Variants in COL4A4 observed in about 807,000 individuals in gnomAD.
COL4A4 encodes the protein collagen type IV alpha 4 chain.
A neutral mutation model predicts 192.9 loss-of-function variants in COL4A4; 105 were observed. The ratio of observed to expected loss-of-function variants is 0.54; its 90% confidence interval spans 0.46 to 0.64. The LOEUF is 0.64. Ranked by LOEUF, COL4A4 falls within the 30% of genes least tolerant of loss-of-function variation. The pLI is 0.00. For missense variants in COL4A4, 1,967 were observed against 2,169.3 expected, an observed-to-expected ratio of 0.91 and a Z score of 1.85; for synonymous variants, 762 against 769.9, an observed-to-expected ratio of 0.99 and a Z score of 0.17.
At chr2:227,144,685 G>C (rs917950219) in intron 2 of COL4A4, 127 bp from the exon 3 acceptor site, 1 of 722,404 alleles carries the variant, frequency 1.4e-6, no homozygotes, top group Non-Finnish European at 2.4e-6. Flanking sequence ...CCTACTAGCC[G>C]ACTTGTCATC....
Position 227,022,541 on chromosome 2 carries a change from T to G in COL4A4, c.4091-368A>C, listed in dbSNP as rs890184994. ...TTTTTACTGGAGTAGCAGCCACAGG[T>G]AGCATTGCAAGAGGGACTGGTGGGT... On this transcript the variant is annotated intron_variant, in intron 43 of 47. Transcript: ENST00000396625. 5.5e-6 allele frequency: 3 copies of G among 544,024 alleles called. No individual in the cohort carries two copies. In the African/African-American group the frequency reaches 5.7e-5, roughly 10 times the overall value. The allele number at this position is 544,024 out of a possible 1,614,324, so 33.7% of individuals were successfully genotyped here. A position where few individuals can be genotyped will look rare whatever the true frequency, so the allele number is the denominator to read the frequency against.
intron 4 of COL4A4, among the ~76,000 whole-genome samples, chr2:227,122,596 G>C (rs1207141214): frequency 3.3e-5 from 5 of 152,154 alleles, no homozygotes; most frequent in African/African-American, 1.2e-4. Context: ...CAGCATGCCA[G>C]CCCTACTCTG....
chr2:227,157,654 GAAAT>G (rs2064462086), intron 1 of COL4A4, among the ~76,000 whole-genome samples: 2 of 151,754 alleles, frequency 1.3e-5, no homozygotes, highest in African/African-American at 2.4e-5. Flanking sequence ...CAATGTAGAG[GAAAT>G]AAATAATTTT....
chr2:227,028,072 A>C, intron 41 of COL4A4, 63 bp from the exon 42 acceptor site: 1 of 1,126,670 alleles, frequency 8.9e-7, no homozygotes, highest in Non-Finnish European at 1.3e-6. Context: ...AAACAATGAC[A>C]GTTTGATAGA....
At position 227,006,725 on chromosome 2, in the gene COL4A4, C is replaced by G. The variant is rs1280303448; in HGVS notation, c.*600G>C. On this transcript the variant is annotated 3_prime_UTR_variant, in exon 48 of 48. Transcript: ENST00000396625. ...CTTCCTGCCATCATGATTCATTCTC[C>G]TTTGAAAGGAACTGTTAACGCTGGC... The G allele has an allele frequency of 1.9e-5, 3 of 154,940 alleles. No individual in the cohort carries two copies. Among genetic ancestry groups the G allele is most frequent in the African/African-American group, 4.8e-5 (2 of 41,322 alleles). The allele number at this position is 154,940 out of a possible 1,614,324, so 9.6% of individuals were successfully genotyped here.
At chr2:227,069,523 A>G (rs892600674) in intron 25 of COL4A4, among the ~76,000 whole-genome samples, 1 of 151,862 alleles carries the variant, frequency 6.6e-6, no homozygotes, top group African/African-American at 2.4e-5. Context: ...AAACAGAGAT[A>G]TAGATCAATG....
chr2:227,039,170 T>C (rs1408063770), intron 37 of COL4A4, among the ~76,000 whole-genome samples: 1 of 152,208 alleles, frequency 6.6e-6, no homozygotes. Flanking sequence ...AGTTTTGTTT[T>C]GTTTTGTTTT....
intron 22 of COL4A4, among the ~76,000 whole-genome samples, chr2:227,087,753 T>A (rs2059682045): frequency 6.6e-6 from 1 of 152,202 alleles, no homozygotes. Context: ...AAAACTATTG[T>A]CTCACTCTTC....
At position 227,004,224 on chromosome 2, in the gene COL4A4, C is replaced by T. The variant is rs981223567; in HGVS notation, c.*3101G>A. The stretch of plus-strand genomic sequence containing the variant: ...CAATGGGGAACGGAGAAAATGAGGA[C>T]AGCCCCGTGCACTGCACAAGAGCAG... On this transcript the variant is annotated 3_prime_UTR_variant, in exon 48 of 48. Transcript: ENST00000396625. 1 of 152,312 alleles carries T rather than the reference C, an allele frequency of 6.6e-6. No individual in the cohort carries two copies. The highest frequency in any genetic ancestry group is 1.5e-5 in the Non-Finnish European group (1 of 68,082). The allele number at this position is 152,312 out of a possible 1,614,324, so 9.4% of individuals were successfully genotyped here. A position where few individuals can be genotyped will look rare whatever the true frequency, so the allele number is the denominator to read the frequency against.
At chr2:227,032,321 G>T in intron 38 of COL4A4, 45 bp from the exon 39 acceptor site, 1 of 1,574,240 alleles carries the variant, frequency 6.4e-7, no homozygotes. Flanking sequence ...CTCTTTTCTT[G>T]TCCCTGTTAT....
Position 227,078,018 on chromosome 2 carries a change from T to TG in COL4A4, c.1862dup (p.Gly622ArgfsTer35). 1 of 1,613,968 alleles carries TG rather than the reference T, an allele frequency of 6.2e-7. No homozygotes were observed. ...GGGGCCCCACAGGTCCTGCTTTGCCTGGGGGGCCCAGAGGTCCAGGAAATC... is the reference window on the plus strand; with the variant it reads ...GGGGCCCCACAGGTCCTGCTTTGCCTGGGGGGGCCCAGAGGTCCAGGAAATC... On this transcript the variant is annotated frameshift_variant, in exon 25 of 48. Transcript: ENST00000396625. LOFTEE classifies it high-confidence loss of function.
intron 44 of COL4A4, among the ~76,000 whole-genome samples, chr2:227,019,656 G>C (rs769645080): frequency 5.9e-5 from 9 of 152,136 alleles, no homozygotes; most frequent in Non-Finnish European, 8.8e-5. Flanking sequence ...CCCTTGACTT[G>C]CAACTCTTTG....
chr2:227,051,864 T>C (rs778877959), intron 32 of COL4A4, among the ~76,000 whole-genome samples: 2 of 152,178 alleles, frequency 1.3e-5, no homozygotes, highest in Non-Finnish European at 2.9e-5. Context: ...GCAAAAAATG[T>C]ACCACAAGGT....
intron 19 of COL4A4, among the ~76,000 whole-genome samples, chr2:227,096,300 C>T (rs1156297358): frequency 6.6e-6 from 1 of 152,138 alleles, no homozygotes; most frequent in Admixed American, 6.5e-5. Flanking sequence ...GCAGGCCCAG[C>T]CCTTCCTGAA....
intron 1 of COL4A4, among the ~76,000 whole-genome samples, chr2:227,148,087 A>G (rs2063668321): frequency 6.6e-6 from 1 of 152,194 alleles, no homozygotes; most frequent in Non-Finnish European, 1.5e-5. Flanking sequence ...TGTGAAAAAT[A>G]TTTTGGCAGT....
At chr2:227,013,564 A>G (rs566858863) in intron 44 of COL4A4, among the ~76,000 whole-genome samples, 2 of 152,164 alleles carry the variant, frequency 1.3e-5, no homozygotes, top group Admixed American at 1.3e-4. Context: ...GGACACAGGA[A>G]GATGGTGGCA....
chr2:227,030,618 A>C lies in COL4A4; in HGVS notation c.3818-20T>G. 6.4e-7 allele frequency: 1 copy of C among 1,561,098 alleles called. No individual in the cohort carries two copies. The highest frequency in any genetic ancestry group is 8.6e-7 in the Non-Finnish European group (1 of 1,158,968). On this transcript the variant is annotated intron_variant, in intron 40 of 47. Transcript: ENST00000396625. ...GTGCTCCTGACCACAGAGAAGAGACAAAAATATTCTTTTAGTCAAAGACGA... is the reference window on the plus strand; with the variant it reads ...GTGCTCCTGACCACAGAGAAGAGACCAAAATATTCTTTTAGTCAAAGACGA...
chr2:227,088,616 C>G (rs760061557), intron 22 of COL4A4, 37 bp downstream of exon 22: 1 of 1,610,848 alleles, frequency 6.2e-7, no homozygotes, highest in Non-Finnish European at 8.5e-7. Context: ...TACCATGTCT[C>G]TTTTAACTGG....
the COL4A4 span, among the ~76,000 whole-genome samples, chr2:226,991,151 C>CTGTATT: frequency 6.6e-6 from 1 of 152,172 alleles, no homozygotes; most frequent in Admixed American, 6.5e-5. Flanking sequence ...GAATTGAGCT[C>CTGTATT]TGTATTTTAA....
Sources: allele counts gnomAD v4.1 joint callset (sites outside exome capture counted in the v4.1 genomes callset), GRCh38; gene constraint gnomAD v4.1.1; transcripts MANE v1.5; gene names NCBI Gene and HGNC (gene_info 2026-07-23, HGNC 2026-07-21).